Variants in TENT4B observed in about 807,000 individuals in gnomAD.
TENT4B encodes terminal nucleotidyltransferase 4B, also known as PAP associated domain containing 5.
A neutral mutation model predicts 75.0 loss-of-function variants in TENT4B; 10 were observed. The ratio of observed to expected loss-of-function variants is 0.13; its 90% confidence interval spans 0.08 to 0.23. The LOEUF (loss-of-function observed/expected upper bound fraction) is 0.23, where lower values mean the gene tolerates loss of function less well. Ranked by LOEUF, TENT4B falls within the 10% of genes least tolerant of loss-of-function variation. TENT4B has a pLI of 1.00. For synonymous variants in TENT4B, 350 were observed against 357.7 expected (o/e 0.98, Z 0.24); for missense variants, 579 against 893.8 (o/e 0.65, Z 4.49).
At chr16:50,195,141 C>T (rs2030139627) in intron 1 of TENT4B, among the ~76,000 whole-genome samples, 1 of 152,138 alleles carries the variant, frequency 6.6e-6, no homozygotes, top group African/African-American at 2.4e-5. Flanking sequence ...TTCCCATAAA[C>T]ATTTTTTTAA....
chr16:50,214,086 A>G (rs1339047997), intron 2 of TENT4B, 135 bp from the exon 3 acceptor site: 1 of 647,934 alleles, frequency 1.5e-6, no homozygotes, highest in Non-Finnish European at 2.7e-6. Context: ...TTGGGGTTAG[A>G]AAAAAATGCT....
Position 50,225,146 on chromosome 16 carries a change from A to G in TENT4B, c.1661A>G (p.Asn554Ser). The G allele has an allele frequency of 1.9e-6, 3 of 1,613,218 alleles. No individual in the cohort carries two copies. Among genetic ancestry groups the G allele is most frequent in the Non-Finnish European group, 2.5e-6 (3 of 1,179,344 alleles). The change falls in exon 10 of 12, where the codon AAT (asparagine) becomes AGT (serine). Residue 554 changes from asparagine to serine, a missense_variant. By Grantham distance (46) the Asn-to-Ser change is conservative. Coordinates refer to ENST00000561678, the MANE Select transcript of TENT4B (RefSeq NM_001365324.3). ...IVDTQQLDKCNNNLSEENEAL... is the reference protein window; with the variant it reads ...IVDTQQLDKCSNNLSEENEAL... ...GATACTCAGCAGTTAGATAAATGTAATAATAATCTATCTGAAGAAAATGAA... is the reference window on the plus strand; with the variant it reads ...GATACTCAGCAGTTAGATAAATGTAGTAATAATCTATCTGAAGAAAATGAA...
chr16:50,184,553 G>A (rs1001325036), intron 1 of TENT4B, among the ~76,000 whole-genome samples: 4 of 152,150 alleles, frequency 2.6e-5, no homozygotes, highest in Non-Finnish European at 2.9e-5. Flanking sequence ...TATAGTCCCA[G>A]CTACGCAGGA....
chr16:50,176,657 C>T (rs1813881858), intron 1 of TENT4B, among the ~76,000 whole-genome samples: 1 of 151,576 alleles, frequency 6.6e-6, no homozygotes, highest in South Asian at 2.1e-4. Flanking sequence ...CAGGCATGCA[C>T]CACCACGCCC....
intron 1 of TENT4B, among the ~76,000 whole-genome samples, chr16:50,188,321 T>G (rs987237214): frequency 7.2e-5 from 11 of 152,174 alleles, no homozygotes; most frequent in Non-Finnish European, 1.0e-4. Context: ...TATAAAACCT[T>G]GGAGGGGTGC....
intron 5 of TENT4B, among the ~76,000 whole-genome samples, chr16:50,220,605 T>C (rs1056940235): frequency 4.6e-5 from 7 of 152,152 alleles, no homozygotes; most frequent in Admixed American, 6.5e-5. Flanking sequence ...CATGGCTCAT[T>C]GTACCCTCCG....
rs1350119560 is a variant in TENT4B, at chr16:50,231,017, G to A, written c.*1689G>A. On this transcript the variant is annotated 3_prime_UTR_variant, in exon 12 of 12. Coordinates refer to ENST00000561678, the MANE Select transcript of TENT4B (RefSeq NM_001365324.3). ...ATCAGACCATTAATGGACACTTAGT[G>A]TAACTTTTTATAAAGAAAATAATGC... is the stretch of plus-strand genomic sequence containing the variant. 3.1e-6 allele frequency: 3 copies of A among 983,212 alleles called. No individual in the cohort carries two copies. The highest frequency in any genetic ancestry group is 9.4e-5 in the South Asian group (2 of 21,260). The allele number at this position is 983,212 out of a possible 1,614,324, so 60.9% of individuals were successfully genotyped here.
chr16:50,195,645 T>C (rs562485400), intron 1 of TENT4B, among the ~76,000 whole-genome samples: 1 of 152,346 alleles, frequency 6.6e-6, no homozygotes, highest in African/African-American at 2.4e-5. Context: ...ATTCAAGTTT[T>C]AGCATGTAAA....
intron 1 of TENT4B, among the ~76,000 whole-genome samples, chr16:50,197,075 C>T (rs1795439200): frequency 6.6e-6 from 1 of 151,600 alleles, no homozygotes; most frequent in African/African-American, 2.4e-5. Context: ...CCACTGCCTT[C>T]CAGCCTGGGG....
At chr16:50,180,113 T>TC (rs1567487320) in intron 1 of TENT4B, among the ~76,000 whole-genome samples, 2 of 151,370 alleles carry the variant, frequency 1.3e-5, no homozygotes, top group Non-Finnish European at 2.9e-5. Flanking sequence ...TTCTTTTTCT[T>TC]TTTTTTTTGA....
Position 50,231,015 on chromosome 16 carries a change from G to A in TENT4B, c.*1687G>A, listed in dbSNP as rs940048927. 213 of 983,292 alleles carry A rather than the reference G, an allele frequency of 2.2e-4. No homozygotes were observed. The African/African-American group carries it at 3.4e-3, about 16-fold the overall frequency. 60.9% of individuals were successfully genotyped at this position (983,292 alleles called of 1,614,324 possible). A position where few individuals can be genotyped will look rare whatever the true frequency, so the allele number is the denominator to read the frequency against. ...CAATCAGACCATTAATGGACACTTAGTGTAACTTTTTATAAAGAAAATAAT... is the reference window on the plus strand; with the variant it reads ...CAATCAGACCATTAATGGACACTTAATGTAACTTTTTATAAAGAAAATAAT... On this transcript the variant is annotated 3_prime_UTR_variant, in exon 12 of 12. Transcript: ENST00000561678.
intron 1 of TENT4B, among the ~76,000 whole-genome samples, chr16:50,168,126 A>T (rs890296922): frequency 4.0e-5 from 6 of 148,162 alleles, no homozygotes; most frequent in African/African-American, 1.5e-4. Context: ...AAAAAAAAGA[A>T]TGCAGAAGGA....
At chr16:50,164,473 T>G (rs1352761521) in intron 1 of TENT4B, among the ~76,000 whole-genome samples, 1 of 151,990 alleles carries the variant, frequency 6.6e-6, no homozygotes. Context: ...CATACCTGGC[T>G]AATTTTTGTA....
chr16:50,178,694 C>T (rs1056479523), intron 1 of TENT4B, among the ~76,000 whole-genome samples: 2 of 152,080 alleles, frequency 1.3e-5, no homozygotes, highest in African/African-American at 2.4e-5. Flanking sequence ...ATGAGAAAAG[C>T]CAGACACAAA....
chr16:50,159,959 C>T (rs563701980), intron 1 of TENT4B, among the ~76,000 whole-genome samples: 169 of 152,078 alleles, frequency 1.1e-3, no homozygotes, highest in African/African-American at 3.7e-3. Context: ...AGTGCAGTGG[C>T]GTGATCTTGG....
At chr16:50,184,504 T>TA (rs2038485699) in intron 1 of TENT4B, among the ~76,000 whole-genome samples, 1 of 151,980 alleles carries the variant, frequency 6.6e-6, no homozygotes, top group South Asian at 2.1e-4. Flanking sequence ...CCGTCTCTAC[T>TA]AAAAAACAAA....
Position 50,217,642 on chromosome 16 carries a change from C to T in TENT4B, c.1017C>T (p.Asp339=), listed in dbSNP as rs1270696405. The part of the protein sequence containing the change: ...FNVQNGVRAA[D]LIKDFTKKYP... The stretch of plus-strand genomic sequence containing the variant: ...TACAGAATGGCGTGAGAGCAGCTGA[C>T]CTCATCAAAGATTTTACCAAGGTCA... The change falls in exon 5 of 12, where the codon GAC becomes GAT. Residue 339 remains aspartate, a synonymous_variant. Transcript: ENST00000561678. The T allele has an allele frequency of 2.0e-6, 3 of 1,527,964 alleles. No individual in the cohort carries two copies. In the Admixed American group the frequency reaches 6.9e-5, roughly 35 times the overall value. The allele number at this position is 1,527,964 out of a possible 1,614,324, so 94.7% of individuals were successfully genotyped here.
intron 1 of TENT4B, among the ~76,000 whole-genome samples, chr16:50,190,596 G>A (rs2038621308): frequency 1.3e-5 from 2 of 151,998 alleles, no homozygotes; most frequent in Admixed American, 1.3e-4. Context: ...CATCCATGTT[G>A]CAGCATGTTT....
chr16:50,234,485 G>A lies in TENT4B; in HGVS notation c.*5157G>A. 1 of 985,114 alleles carries A rather than the reference G, an allele frequency of 1.0e-6. No homozygotes were observed. The highest frequency in any genetic ancestry group is 4.7e-5 in the South Asian group (1 of 21,268). 61.0% of individuals were successfully genotyped at this position (985,114 alleles called of 1,614,324 possible). ...TTCTTCATCTTTCAGTTTGGGTTCT[G>A]TGCTATTCATAGTTCTTCCCTAAGA... On this transcript the variant is annotated 3_prime_UTR_variant, in exon 12 of 12. Coordinates refer to ENST00000561678, the MANE Select transcript of TENT4B (RefSeq NM_001365324.3).
Sources: gnomAD v4.1 joint callset for allele counts (sites outside exome capture counted in the v4.1 genomes callset) on GRCh38, gnomAD v4.1.1 for gene constraint, MANE v1.5 for transcripts, NCBI Gene and HGNC (gene_info 2026-07-23, HGNC 2026-07-21) for gene names.